Variants in CSMD1 observed in about 807,000 individuals in gnomAD.
CSMD1 encodes CUB and Sushi multiple domains 1, also known as CUB and sushi domain-containing protein 1.
Under a neutral mutation model 417.5 loss-of-function variants are expected in CSMD1, and 213 were observed. The observed-to-expected ratio is 0.51, with a 90% CI of 0.46 to 0.57. The LOEUF is 0.57. CSMD1 is among the 20% of genes least tolerant of loss of function. The probability of loss-of-function intolerance (pLI) is 0.00; values close to 1 mark genes in which losing one functional copy is unlikely to be tolerated. For missense variants in CSMD1, 6,923 were observed against 4,529.7 expected (o/e 1.53, Z -15.17); for synonymous variants, 2,862 against 1,736.8 (o/e 1.65, Z -16.11).
chr8:4,048,356 C>G (rs981582879), intron 3 of CSMD1, among the ~76,000 whole-genome samples: 4 of 152,166 alleles, frequency 2.6e-5, no homozygotes, highest in African/African-American at 9.7e-5. Context: ...TAACCATATT[C>G]TTAATAACAA....
At chr8:4,131,884 T>C (rs929402785) in intron 3 of CSMD1, among the ~76,000 whole-genome samples, 9 of 150,066 alleles carry the variant, frequency 6.0e-5, no homozygotes, top group Admixed American at 3.4e-4. Context: ...TGCCTTAGTC[T>C]CCCATGTAGC....
chr8:4,003,926 ATT>A (rs916261829), intron 4 of CSMD1, among the ~76,000 whole-genome samples: 3 of 138,362 alleles, frequency 2.2e-5, no homozygotes, highest in African/African-American at 5.2e-5. Flanking sequence ...AATGTTTTTC[ATT>A]TTTTTAGAAA....
At chr8:4,154,595 T>C (rs558755215) in intron 3 of CSMD1, among the ~76,000 whole-genome samples, 6 of 152,286 alleles carry the variant, frequency 3.9e-5, no homozygotes, top group African/African-American at 1.4e-4. Flanking sequence ...TCTTTGGCAA[T>C]AGGAATGCAT....
chr8:3,676,834 T>G (rs1427669888), intron 7 of CSMD1, among the ~76,000 whole-genome samples: 1 of 152,158 alleles, frequency 6.6e-6, no homozygotes, highest in Non-Finnish European at 1.5e-5. Context: ...GAATAAAGGA[T>G]GAGTTCATTT....
chr8:4,151,469 T>C (rs1169867772), intron 3 of CSMD1, among the ~76,000 whole-genome samples: 1 of 152,212 alleles, frequency 6.6e-6, no homozygotes, highest in Non-Finnish European at 1.5e-5. Context: ...CACCCATATC[T>C]AGTTTAACAA....
At chr8:4,219,951 T>C (rs1800927822) in intron 3 of CSMD1, among the ~76,000 whole-genome samples, 1 of 152,162 alleles carries the variant, frequency 6.6e-6, no homozygotes. Context: ...TTAAAAATTT[T>C]TTAATGCTTT....
rs79346610 is a variant in CSMD1, at chr8:3,033,152, C to G, written c.7661-3639G>C. Among the ~76,000 whole-genome samples the G allele has an allele frequency of 1.7e-3, 260 of 152,082 alleles. 4 individuals carry two copies. The highest frequency in any genetic ancestry group is 6.0e-3 in the Admixed American group (92 of 15,260). On this transcript the variant is annotated intron_variant, in intron 50 of 69. Transcript: ENST00000635120. ...ATTTTGAAAGTTCTTTATGAATAAT[C>G]TATAACACTTAACTGTACCAAACTT...
chr8:4,513,321 T>G (rs1239578868), intron 2 of CSMD1, among the ~76,000 whole-genome samples: 1 of 152,114 alleles, frequency 6.6e-6, no homozygotes, highest in Non-Finnish European at 1.5e-5. Context: ...TCTACAAAAC[T>G]AAATCTAGTA....
chr8:4,232,496 G>A (rs976257980), intron 3 of CSMD1, among the ~76,000 whole-genome samples: 1 of 152,188 alleles, frequency 6.6e-6, no homozygotes, highest in African/African-American at 2.4e-5. Context: ...ACTGCGCCCA[G>A]CCACACATGT....
At position 4,815,966 on chromosome 8, in the gene CSMD1, A is replaced by G. The variant is rs192584318; in HGVS notation, c.85+178366T>C. ...AGTGGATTAATATTTGAAAACGGAA[A>G]AATGAGAAAGGCATTCCAGAAATGA... On this transcript the variant is annotated intron_variant, in intron 1 of 69. Transcript: ENST00000635120. Among the ~76,000 whole-genome samples, 12 of 152,236 alleles carry G rather than the reference A, an allele frequency of 7.9e-5. No individual in the cohort carries two copies. The East Asian group carries it at 2.3e-3, about 30-fold the overall frequency.
intron 5 of CSMD1, among the ~76,000 whole-genome samples, chr8:3,988,055 C>G (rs893418077): frequency 3.9e-5 from 6 of 152,208 alleles, no homozygotes; most frequent in African/African-American, 1.4e-4. Context: ...GGAAACACTA[C>G]TGTGCCTAAA....
chr8:4,397,876 T>A (rs1472073631), intron 3 of CSMD1, among the ~76,000 whole-genome samples: 2 of 152,180 alleles, frequency 1.3e-5, no homozygotes, highest in Admixed American at 1.3e-4. Context: ...ACAATTTTCT[T>A]CCAATGTTCT....
chr8:4,807,614 C>G (rs553934731), intron 1 of CSMD1, among the ~76,000 whole-genome samples: 1 of 152,230 alleles, frequency 6.6e-6, no homozygotes, highest in East Asian at 1.9e-4. Flanking sequence ...ATAGTAATGA[C>G]AGTAATAATC....
chr8:4,763,443 G>A (rs761640123), intron 1 of CSMD1, among the ~76,000 whole-genome samples: 62 of 152,124 alleles, frequency 4.1e-4, no homozygotes, highest in South Asian at 8.3e-4. Flanking sequence ...AAAGAAGGGT[G>A]CATTATTTAT....
chr8:4,232,959 G>A (rs1223588761), intron 3 of CSMD1, among the ~76,000 whole-genome samples: 1 of 152,090 alleles, frequency 6.6e-6, no homozygotes, highest in Non-Finnish European at 1.5e-5. Context: ...AGCATAATTT[G>A]GTTATTCATA....
intron 2 of CSMD1, among the ~76,000 whole-genome samples, chr8:4,631,785 T>C (rs375353582): frequency 2.0e-5 from 3 of 152,224 alleles, no homozygotes; most frequent in South Asian, 2.1e-4. Context: ...ATTATCAGCA[T>C]TGCAGAAAAT....
At chr8:4,114,900 G>A (rs901816495) in intron 3 of CSMD1, among the ~76,000 whole-genome samples, 1 of 152,184 alleles carries the variant, frequency 6.6e-6, no homozygotes, top group Admixed American at 6.5e-5. Context: ...GCTTCTTCCA[G>A]ATAAGATAGG....
intron 2 of CSMD1, among the ~76,000 whole-genome samples, chr8:4,632,239 G>C (rs1049332789): frequency 1.3e-5 from 2 of 152,116 alleles, no homozygotes; most frequent in African/African-American, 4.8e-5. Flanking sequence ...ACTTATTGAC[G>C]ATGTGAAAGT....
At chr8:3,653,797 C>G (rs1797974175) in intron 7 of CSMD1, among the ~76,000 whole-genome samples, 1 of 152,184 alleles carries the variant, frequency 6.6e-6, no homozygotes, top group Non-Finnish European at 1.5e-5. Flanking sequence ...ACTCGTGACA[C>G]AAGTTTAATG....
Sources: allele counts gnomAD v4.1 joint callset (sites outside exome capture counted in the v4.1 genomes callset), GRCh38; gene constraint gnomAD v4.1.1; transcripts MANE v1.5; gene names NCBI Gene and HGNC (gene_info 2026-07-23, HGNC 2026-07-21).